The following RAD21L1 variants were observed in gnomAD, a reference collection of about 807,000 sequenced individuals.
RAD21L1 encodes the protein double-strand-break repair protein rad21-like protein 1.
A neutral mutation model predicts 69.0 loss-of-function variants in RAD21L1; 47 were observed. That is an observed-to-expected ratio of 0.68 (90% CI 0.54 to 0.87). The LOEUF is 0.87. Among genes scored for constraint, RAD21L1 ranks in the 40% least tolerant of loss-of-function variants. The pLI is 0.00. For synonymous variants in RAD21L1, 177 were observed against 205.8 expected, an observed-to-expected ratio of 0.86 and a Z score of 1.20; for missense variants, 583 against 647.6, an observed-to-expected ratio of 0.90 and a Z score of 1.08.
At chr20:1,227,737 G>A (rs2087295120) in intron 1 of RAD21L1, among the ~76,000 whole-genome samples, 1 of 152,088 alleles carries the variant, frequency 6.6e-6, no homozygotes, top group African/African-American at 2.4e-5. Context: ...TTAAGTGAAG[G>A]TTTTCTTTTA....
chr20:1,249,649 C>T (rs1039529446), intron 13 of RAD21L1, among the ~76,000 whole-genome samples: 3 of 152,108 alleles, frequency 2.0e-5, no homozygotes, highest in Admixed American at 6.5e-5. Flanking sequence ...GTCACATTGA[C>T]GCATCTAGCT....
Position 1,255,766 on chromosome 20 carries a change from C to A in RAD21L1, c.*1309C>A, listed in dbSNP as rs1375870449. Among the ~76,000 whole-genome samples, 1 of 152,172 alleles carries A rather than the reference C, an allele frequency of 6.6e-6. No individual in the cohort carries two copies. The highest frequency in any genetic ancestry group is 1.5e-5 in the Non-Finnish European group (1 of 68,044). ...CCCCATATAACATCTGGCAACCACT[C>A]TTCTCCATGACTACACTTTTGTCTT... On this transcript the variant is annotated 3_prime_UTR_variant, in exon 14 of 14. Transcript: ENST00000683101.
chr20:1,230,145 G>A lies in RAD21L1; in HGVS notation c.274+136G>A, dbSNP rs1181646033. 1.8e-5 allele frequency: 11 copies of A among 626,958 alleles called. No individual in the cohort carries two copies. In the East Asian group the frequency reaches 2.8e-4, roughly 16 times the overall value. The allele number at this position is 626,958 out of a possible 1,614,324, so 38.8% of individuals were successfully genotyped here. On this transcript the variant is annotated intron_variant, in intron 3 of 13. Transcript: ENST00000683101. ...TGAATGAATCTAAGTTTCCATGGTT[G>A]AGGATAAATTGTATTCATTTCCTTG... is the stretch of plus-strand genomic sequence containing the variant.
chr20:1,247,247 G>C (rs1418304791), intron 12 of RAD21L1, among the ~76,000 whole-genome samples: 1 of 152,160 alleles, frequency 6.6e-6, no homozygotes, highest in Admixed American at 6.6e-5. Flanking sequence ...TTACACAATA[G>C]ATTCAGCTGT....
At position 1,242,650 on chromosome 20, in the gene RAD21L1, G is replaced by A. The variant is rs1309795751; in HGVS notation, c.888G>A (p.Arg296=). 1.2e-5 allele frequency: 18 copies of A among 1,551,428 alleles called. No individual in the cohort carries two copies. Among genetic ancestry groups the A allele is most frequent in the Non-Finnish European group, 1.6e-5 (18 of 1,146,758 alleles). ...DIAEKRKGKK[R]RLLIDPIKEL... ...CTGAGAAAAGGAAAGGCAAAAAGAGGAGATTGCTCATAGATCCTATCAAGG... is the reference window on the plus strand; with the variant it reads ...CTGAGAAAAGGAAAGGCAAAAAGAGAAGATTGCTCATAGATCCTATCAAGG... Residue 296 remains arginine (R), a synonymous_variant, in exon 9 of 14, where the codon AGG becomes AGA. Transcript: ENST00000683101.
rs1006818994 is a variant in RAD21L1 at position 1,246,805 on chromosome 20, C to T, written c.1401+500C>T. On this transcript the variant is annotated intron_variant, in intron 12 of 13. Transcript: ENST00000683101. This position sits in a 1 kb window ranked among gnomAD's most constrained non-coding sequence, Gnocchi z 4.6. ...TAGTCAGAGGGCCACATGTCAATAG[C>T]AAAGACAGAAGTAAAGTCTGATTTC... Among the ~76,000 whole-genome samples the T allele has an allele frequency of 6.6e-6, 1 of 152,064 alleles. No individual in the cohort carries two copies. The highest frequency in any genetic ancestry group is 6.6e-5 in the Admixed American group (1 of 15,246).
intron 8 of RAD21L1, 72 bp from the exon 9 acceptor site, chr20:1,242,547 G>C (rs1189691927): frequency 1.7e-6 from 2 of 1,182,936 alleles, no homozygotes; most frequent in South Asian, 1.3e-5. Flanking sequence ...AATTTCTTAA[G>C]TATTTAGTGC....
chr20:1,242,015 G>C (rs2087617463), intron 8 of RAD21L1, among the ~76,000 whole-genome samples: 2 of 152,166 alleles, frequency 1.3e-5, no homozygotes, highest in Admixed American at 1.3e-4. Flanking sequence ...GTTGTAGAAA[G>C]TTATTCTATT....
intron 7 of RAD21L1, among the ~76,000 whole-genome samples, chr20:1,239,699 A>G (rs1179319263): frequency 1.3e-5 from 2 of 152,250 alleles, no homozygotes; most frequent in African/African-American, 2.4e-5. Context: ...ATTAACTAGT[A>G]TGGTTTGATA....
chr20:1,235,173 A>C (rs1470215718), intron 5 of RAD21L1, among the ~76,000 whole-genome samples: 1 of 152,174 alleles, frequency 6.6e-6, no homozygotes, highest in African/African-American at 2.4e-5. Flanking sequence ...TACAAACTCC[A>C]TGAGGATAGA....
chr20:1,244,480 C>A (rs1366847651), intron 11 of RAD21L1, among the ~76,000 whole-genome samples: 1 of 152,078 alleles, frequency 6.6e-6, no homozygotes, highest in Non-Finnish European at 1.5e-5. Context: ...GCCTCATATT[C>A]TTTGTGTCAT....
chr20:1,251,512 G>A (rs1261353402), intron 13 of RAD21L1, among the ~76,000 whole-genome samples: 1 of 151,754 alleles, frequency 6.6e-6, no homozygotes, highest in Non-Finnish European at 1.5e-5. Flanking sequence ...TTTTCATAGA[G>A]TCAAGGTCCC....
At chr20:1,243,468 C>CT (rs2087659385) in intron 10 of RAD21L1, among the ~76,000 whole-genome samples, 1 of 152,146 alleles carries the variant, frequency 6.6e-6, no homozygotes, top group African/African-American at 2.4e-5. Flanking sequence ...ACCTCCTTCA[C>CT]TCCCAAAGGC....
At chr20:1,244,269 C>A in intron 11 of RAD21L1, 99 bp downstream of exon 11, 2 of 805,994 alleles carry the variant, frequency 2.5e-6, no homozygotes, top group Non-Finnish European at 3.6e-6. Context: ...TTGTGTAGTT[C>A]ATATTTCATT....
At chr20:1,227,115 GGC>G (rs1383978418) in intron 1 of RAD21L1, among the ~76,000 whole-genome samples, 2 of 152,148 alleles carry the variant, frequency 1.3e-5, no homozygotes. Flanking sequence ...TCACCATGTT[GGC>G]CAGGCTGGTC....
In RAD21L1 at chr20:1,254,385, T is replaced by A; in HGVS notation, c.1596T>A (p.Ala532=). Reference sequence around the variant, plus strand: ...TTCTTGTCCTAAAGAAACAGCTGGCTATTGAGCTGAGCCAGAGTGCTCCCT... The same window carrying A: ...TTCTTGTCCTAAAGAAACAGCTGGCAATTGAGCTGAGCCAGAGTGCTCCCT... ...YSFLVLKKQL[A]IELSQSAPYA... is the part of the protein sequence containing the mutation. Residue 532 remains alanine, a synonymous_variant, in exon 14 of 14, where the codon GCT becomes GCA. Transcript: ENST00000683101. 1 of 1,551,520 alleles carries A rather than the reference T, an allele frequency of 6.4e-7. No homozygotes were observed. Among genetic ancestry groups the A allele is most frequent in the Non-Finnish European group, 8.7e-7 (1 of 1,146,888 alleles).
At chr20:1,244,773 C>T (rs1269017390) in intron 11 of RAD21L1, among the ~76,000 whole-genome samples, 1 of 152,026 alleles carries the variant, frequency 6.6e-6, no homozygotes, top group Non-Finnish European at 1.5e-5. Context: ...AATATTATAG[C>T]CACACCAGTT....
chr20:1,229,922 G>A lies in RAD21L1; in HGVS notation c.187G>A (p.Val63Ile). 1.3e-6 allele frequency: 2 copies of A among 1,549,564 alleles called. No homozygotes were observed. The highest frequency in any genetic ancestry group is 1.7e-6 in the Non-Finnish European group (2 of 1,145,212). The change falls in exon 3 of 14, where the codon GTT (valine) becomes ATT (isoleucine). Residue 63 changes from valine (V) to isoleucine (I), a missense_variant. Coordinates refer to ENST00000683101, the MANE Select transcript of RAD21L1 (RefSeq NM_001384355.1). ...LRTSGHLLLG[V>I]VRIYNRKAKY... is the part of the protein sequence containing the mutation. ...AACTTCAGGACACCTTCTTTTGGGAGTTGTTCGAATCTATAACAGGAAGGC... is the reference window on the plus strand; with the variant it reads ...AACTTCAGGACACCTTCTTTTGGGAATTGTTCGAATCTATAACAGGAAGGC...
In RAD21L1 at chr20:1,242,789, G is replaced by A. The variant is rs1195604135; in HGVS notation, c.1027G>A (p.Val343Met). The stretch of plus-strand genomic sequence containing the variant: ...GATGATGTGGAAGAAGAGGGGAGGA[G>A]TGCATACACTTCTGTCAACTGCTGC... ...RLMMWKKRGG[V>M]HTLLSTAAQD... The change falls in exon 9 of 14, where the codon GTG becomes ATG. Residue 343 changes from valine to methionine, a missense_variant. Coordinates refer to ENST00000683101, the MANE Select transcript of RAD21L1 (RefSeq NM_001384355.1). 2.6e-6 allele frequency: 4 copies of A among 1,551,574 alleles called. No individual in the cohort carries two copies. The highest frequency in any genetic ancestry group is 2.6e-6 in the Non-Finnish European group (3 of 1,146,902).
Sources: allele counts gnomAD v4.1 joint callset (sites outside exome capture counted in the v4.1 genomes callset), GRCh38; gene constraint gnomAD v4.1.1; non-coding constraint Gnocchi (gnomAD v3.1); transcripts MANE v1.5; gene names NCBI Gene and HGNC (gene_info 2026-07-23, HGNC 2026-07-21).